Variants in PIAS2 observed in about 807,000 individuals in gnomAD.
PIAS2 encodes E3 SUMO-protein ligase PIAS2.
Under a neutral mutation model 69.7 loss-of-function variants are expected in PIAS2, and 19 were observed. That is an observed-to-expected ratio of 0.27 (90% CI 0.19 to 0.40). The LOEUF (loss-of-function observed/expected upper bound fraction) is 0.40, where lower values mean the gene tolerates loss of function less well. PIAS2 is among the 10% of genes least tolerant of loss of function. PIAS2 has a pLI of 1.00. For synonymous variants in PIAS2, 261 were observed against 263.2 expected, an observed-to-expected ratio of 0.99 and a Z score of 0.08; for missense variants, 624 against 757.0, an observed-to-expected ratio of 0.82 and a Z score of 2.06.
At chr18:46,883,467 C>A (rs2052631478) in intron 2 of PIAS2, among the ~76,000 whole-genome samples, 1 of 152,022 alleles carries the variant, frequency 6.6e-6, no homozygotes, top group African/African-American at 2.4e-5. Context: ...CTTTGGGGGG[C>A]CGGGGCAGAA....
At chr18:46,891,115 T>C (rs1467043638) in intron 1 of PIAS2, 61 bp from the exon 2 acceptor site, 6 of 1,179,122 alleles carry the variant, frequency 5.1e-6, no homozygotes, top group Non-Finnish European at 7.3e-6. Context: ...AAATCCTATC[T>C]AAAATATAAT....
chr18:46,875,316 C>T (rs1035575764), intron 2 of PIAS2, among the ~76,000 whole-genome samples: 4 of 152,136 alleles, frequency 2.6e-5, no homozygotes, highest in African/African-American at 9.7e-5. Context: ...GACAGCCAGG[C>T]CCCCTTCTTC....
At chr18:46,818,534 G>A (rs2041817632) in intron 12 of PIAS2, 2 of 1,147,598 alleles carry the variant, frequency 1.7e-6, no homozygotes, top group Admixed American at 3.8e-5. Context: ...CATTCTTGGT[G>A]TTCTATTTAA....
At chr18:46,915,690 T>C (rs2057750955) in intron 1 of PIAS2, 1 of 152,152 alleles carries the variant, frequency 6.6e-6, no homozygotes, top group Admixed American at 6.5e-5. Context: ...TGACTGCTTT[T>C]ACTCTGCTCT....
intron 1 of PIAS2, chr18:46,905,804 C>G (rs899470841): frequency 1.3e-5 from 2 of 151,980 alleles, no homozygotes; most frequent in Non-Finnish European, 2.9e-5. Flanking sequence ...TCAAAGAAAA[C>G]AATAGTAATA....
intron 10 of PIAS2, 74 bp from the exon 11 acceptor site, chr18:46,828,204 A>G: frequency 1.5e-6 from 2 of 1,290,424 alleles, no homozygotes; most frequent in Non-Finnish European, 2.1e-6. Context: ...AGAGTCTAGT[A>G]TATTCAGTAT....
chr18:46,810,740 G>GA lies in PIAS2; in HGVS notation c.*1692dup, dbSNP rs201927526. On this transcript the variant is annotated 3_prime_UTR_variant, in exon 14 of 14. Transcript: ENST00000585916. ...GCCATGGAAACTTGAGAAGGTGAAAGAAAAAAAAAAAAAACCCCAAGCAAG... is the reference window on the plus strand; with the variant it reads ...GCCATGGAAACTTGAGAAGGTGAAAGAAAAAAAAAAAAAAACCCCAAGCAAG... 4.3e-3 allele frequency: 512 copies of GA among 119,014 alleles called. 1 individual carries two copies. The highest frequency in any genetic ancestry group is 6.2e-3 in the African/African-American group (206 of 33,172). 7.4% of individuals were successfully genotyped at this position (119,014 alleles called of 1,614,324 possible).
chr18:46,815,465 G>A, intron 12 of PIAS2, 116 bp from the exon 13 acceptor site: 2 of 1,549,746 alleles, frequency 1.3e-6, no homozygotes, highest in South Asian at 2.4e-5. Flanking sequence ...TTACCACTCT[G>A]TCACAGAGAA....
chr18:46,817,537 A>G, intron 12 of PIAS2: 1 of 931,468 alleles, frequency 1.1e-6, no homozygotes, highest in South Asian at 4.9e-5. Context: ...GTAAATATAA[A>G]GTTTATTTAG....
At chr18:46,890,402 GA>G (rs2053893657) in intron 2 of PIAS2, among the ~76,000 whole-genome samples, 177 bp downstream of exon 2, 1 of 152,214 alleles carries the variant, frequency 6.6e-6, no homozygotes, top group Non-Finnish European at 1.5e-5. Flanking sequence ...CAAATGATAT[GA>G]AATAAAGCTT....
At chr18:46,851,714 C>G (rs1340650401) in intron 5 of PIAS2, among the ~76,000 whole-genome samples, 1 of 152,240 alleles carries the variant, frequency 6.6e-6, no homozygotes, top group Non-Finnish European at 1.5e-5. Context: ...GCTTGCATCA[C>G]TATTTGATCC....
chr18:46,895,920 G>C (rs1445007014), intron 1 of PIAS2, among the ~76,000 whole-genome samples: 1 of 151,832 alleles, frequency 6.6e-6, no homozygotes, highest in African/African-American at 2.4e-5. Flanking sequence ...AGACTAATGG[G>C]TTTCTCCCTT....
Position 46,862,054 on chromosome 18 carries a change from G to A in PIAS2, c.584+2110C>T, listed in dbSNP as rs796691654. 7.9e-5 allele frequency among the ~76,000 whole-genome samples: 12 copies of A among 152,054 alleles called. No individual in the cohort carries two copies. The South Asian group carries it at 8.3e-4, about 11-fold the overall frequency. ...CTACAAAATATAAAGTTTTTATGCC[G>A]GGCATGGTGGCTCACGCCTGTAATC... On this transcript the variant is annotated intron_variant, in intron 3 of 13. Coordinates refer to ENST00000585916, the MANE Select transcript of PIAS2 (RefSeq NM_004671.5).
chr18:46,828,260 C>A (rs1240670257), intron 10 of PIAS2, 130 bp from the exon 11 acceptor site: 17 of 714,518 alleles, frequency 2.4e-5, no homozygotes, highest in Non-Finnish European at 3.4e-5. Context: ...CATACTCCAA[C>A]CCATGGACAA....
intron 3 of PIAS2, among the ~76,000 whole-genome samples, chr18:46,858,222 TA>T (rs11418545): frequency 1.3e-3 from 183 of 141,066 alleles, no homozygotes; most frequent in Admixed American, 1.4e-3. Context: ...GAGATAAGAT[TA>T]AAAAAAAAAA....
intron 1 of PIAS2, among the ~76,000 whole-genome samples, chr18:46,910,756 G>T (rs1001920692): frequency 6.6e-6 from 1 of 152,158 alleles, no homozygotes; most frequent in Non-Finnish European, 1.5e-5. Context: ...CATCAGATCT[G>T]CAATGGACCT....
At chr18:46,826,588 TA>T (rs2042885453) in intron 11 of PIAS2, among the ~76,000 whole-genome samples, 1 of 152,220 alleles carries the variant, frequency 6.6e-6, no homozygotes, top group African/African-American at 2.4e-5. Context: ...ATTTTGAACG[TA>T]ACCATTTCAA....
At position 46,811,569 on chromosome 18, in the gene PIAS2, C is replaced by G. The variant is rs889586267; in HGVS notation, c.*864G>C. ...ATTTCTAACAAACATTCCAGTCACA[C>G]CGTACCCCAAAGACATTTCATTCAA... is the stretch of plus-strand genomic sequence containing the variant. On this transcript the variant is annotated 3_prime_UTR_variant, in exon 14 of 14. Transcript: ENST00000585916. The G allele has an allele frequency of 1.3e-5, 2 of 152,170 alleles. No individual in the cohort carries two copies. The highest frequency in any genetic ancestry group is 6.5e-5 in the Admixed American group (1 of 15,280). 9.4% of individuals were successfully genotyped at this position (152,170 alleles called of 1,614,324 possible). A position where few individuals can be genotyped will look rare whatever the true frequency, so the allele number is the denominator to read the frequency against.
chr18:46,811,306 T>C lies in PIAS2; in HGVS notation c.*1127A>G, dbSNP rs2040987319. On this transcript the variant is annotated 3_prime_UTR_variant, in exon 14 of 14. Transcript: ENST00000585916. ...CTAATGCTGTCCCTTTCCCTAAGTT[T>C]GAAAATCACTGCTGAGACTGAAATT... 1 of 152,066 alleles carries C rather than the reference T, an allele frequency of 6.6e-6. No individual in the cohort carries two copies. Among genetic ancestry groups the C allele is most frequent in the Non-Finnish European group, 1.5e-5 (1 of 68,016 alleles). The allele number at this position is 152,066 out of a possible 1,614,324, so 9.4% of individuals were successfully genotyped here. A position where few individuals can be genotyped will look rare whatever the true frequency, so the allele number is the denominator to read the frequency against.
Sources: gnomAD v4.1 joint callset for allele counts (sites outside exome capture counted in the v4.1 genomes callset) on GRCh38, gnomAD v4.1.1 for gene constraint, MANE v1.5 for transcripts, NCBI Gene and HGNC (gene_info 2026-07-23, HGNC 2026-07-21) for gene names.